TEAD4: variants seen among roughly 807,000 people sequenced by gnomAD.
The protein encoded by TEAD4 is transcriptional enhancer factor TEF-3.
A neutral mutation model predicts 52.4 loss-of-function variants in TEAD4; 36 were observed. The observed-to-expected ratio is 0.69, with a 90% CI of 0.53 to 0.91. TEAD4 has a LOEUF of 0.91. Among genes scored for constraint, TEAD4 ranks in the 40% least tolerant of loss-of-function variants. TEAD4 has a pLI of 0.00. For missense variants in TEAD4, 508 were observed against 583.9 expected, an observed-to-expected ratio of 0.87 and a Z score of 1.34; for synonymous variants, 220 against 231.0, an observed-to-expected ratio of 0.95 and a Z score of 0.43.
intron 2 of TEAD4, among the ~76,000 whole-genome samples, chr12:2,991,626 C>T (rs2153955100): frequency 6.6e-6 from 1 of 152,194 alleles, no homozygotes; most frequent in Non-Finnish European, 1.5e-5. Context: ...TGTACCATTG[C>T]CCACCAGCCT....
chr12:3,038,773 T>C (rs1214957114), intron 11 of TEAD4, among the ~76,000 whole-genome samples: 1 of 152,188 alleles, frequency 6.6e-6, no homozygotes, highest in Non-Finnish European at 1.5e-5. Context: ...TAAAATCCTC[T>C]GTATTTTGGC....
Position 2,992,001 on chromosome 12 carries a change from G to C in TEAD4, c.-29-2737G>C, listed in dbSNP as rs551969266. ...TTAGGTTTCCTGTGGTGGGGGTTGGGGGGGGCGGTTCCTGCTTTTTTTTTT... is the reference window on the plus strand; with the variant it reads ...TTAGGTTTCCTGTGGTGGGGGTTGGCGGGGGCGGTTCCTGCTTTTTTTTTT... On this transcript the variant is annotated intron_variant, in intron 2 of 12. Transcript: ENST00000359864. Among the ~76,000 whole-genome samples the C allele has an allele frequency of 1.0e-4, 15 of 147,882 alleles. 2 individuals carry two copies. The highest frequency in any genetic ancestry group is 4.2e-4 in the Admixed American group (6 of 14,224).
chr12:2,973,421 T>C (rs948045517), intron 2 of TEAD4, among the ~76,000 whole-genome samples: 1 of 152,218 alleles, frequency 6.6e-6, no homozygotes, highest in Non-Finnish European at 1.5e-5. Flanking sequence ...CAGTCAGATA[T>C]GTGATTTACA....
chr12:3,017,331 C>T lies in TEAD4; in HGVS notation c.355-67C>T, dbSNP rs571586792. Reference sequence around the variant, plus strand: ...GAGACAGCTTCCCTGACCCGAGGGCCGGACCTGCCTGGCCTCAGCCTGACT... The same window carrying T: ...GAGACAGCTTCCCTGACCCGAGGGCTGGACCTGCCTGGCCTCAGCCTGACT... On this transcript the variant is annotated intron_variant, in intron 5 of 12. Coordinates refer to ENST00000359864, the MANE Select transcript of TEAD4 (RefSeq NM_003213.4). 51 of 1,607,244 alleles carry T rather than the reference C, an allele frequency of 3.2e-5. No homozygotes were observed. In the East Asian group the frequency reaches 4.7e-4, roughly 15 times the overall value.
At chr12:3,015,579 T>C (rs2098263852) in intron 5 of TEAD4, among the ~76,000 whole-genome samples, 1 of 152,234 alleles carries the variant, frequency 6.6e-6, no homozygotes, top group Non-Finnish European at 1.5e-5. Flanking sequence ...GCCCACCTCA[T>C]GGAGCTGCGT....
At chr12:2,967,065 T>A (rs923718802) in intron 2 of TEAD4, among the ~76,000 whole-genome samples, 3 of 152,144 alleles carry the variant, frequency 2.0e-5, no homozygotes, top group Admixed American at 1.3e-4. Context: ...GAACCAGGGT[T>A]CAAAATCATC....
chr12:2,993,343 A>G (rs1241516073), intron 2 of TEAD4, among the ~76,000 whole-genome samples: 1 of 152,208 alleles, frequency 6.6e-6, no homozygotes. Flanking sequence ...TTTTGTAAAA[A>G]AAATTTTTAG....
At chr12:3,019,613 T>C (rs1159873771) in intron 8 of TEAD4, among the ~76,000 whole-genome samples, 1 of 152,114 alleles carries the variant, frequency 6.6e-6, no homozygotes, top group Non-Finnish European at 1.5e-5. Context: ...CAGCCAGCGG[T>C]GCTGACAGGA....
rs2098214232 is a variant in TEAD4 at position 2,960,270 on chromosome 12, A to T, written c.-30+230A>T. 3 of 985,362 alleles carry T rather than the reference A, an allele frequency of 3.0e-6. No individual in the cohort carries two copies. In the African/African-American group the frequency reaches 5.2e-5, roughly 17 times the overall value. 61.0% of individuals were successfully genotyped at this position (985,362 alleles called of 1,614,324 possible). On this transcript the variant is annotated intron_variant, in intron 2 of 12. Transcript: ENST00000359864. ...GGAAAGGACCGGAGAGGCAGAACCGAGAGCATCGGCAACAGAAGAGACCCA... is the reference window on the plus strand; with the variant it reads ...GGAAAGGACCGGAGAGGCAGAACCGTGAGCATCGGCAACAGAAGAGACCCA...
At chr12:3,016,783 C>A (rs2153957079) in intron 5 of TEAD4, among the ~76,000 whole-genome samples, 1 of 152,282 alleles carries the variant, frequency 6.6e-6, no homozygotes, top group Non-Finnish European at 1.5e-5. Context: ...AAGTGGCTTT[C>A]CCTGTGTGCT....
chr12:3,002,466 G>A (rs2098252490), intron 3 of TEAD4, among the ~76,000 whole-genome samples: 1 of 152,218 alleles, frequency 6.6e-6, no homozygotes, highest in Admixed American at 6.5e-5. Flanking sequence ...TTACATTCCC[G>A]CCAGCAATGA....
intron 2 of TEAD4, among the ~76,000 whole-genome samples, chr12:2,991,228 GT>G (rs2098242715): frequency 6.6e-6 from 1 of 152,130 alleles, no homozygotes; most frequent in African/African-American, 2.4e-5. Flanking sequence ...AAAATTTAAA[GT>G]GATGAAAAAT....
intron 2 of TEAD4, among the ~76,000 whole-genome samples, chr12:2,973,111 G>A (rs939210661): frequency 3.3e-5 from 5 of 152,112 alleles, no homozygotes; most frequent in Non-Finnish European, 2.9e-5. Flanking sequence ...AGCTCTTTGG[G>A]TCTTTGCTTC....
chr12:3,009,058 C>T (rs543309258), intron 3 of TEAD4, among the ~76,000 whole-genome samples: 5 of 152,184 alleles, frequency 3.3e-5, no homozygotes, highest in South Asian at 2.1e-4. Flanking sequence ...ACTGAGCCAG[C>T]GTTGAGGTCT....
rs1456907718 is a variant in TEAD4, at chr12:2,994,708, T to C, written c.-29-30T>C. ...GTGGCCCACGCAGTTCTTCCACTGC[T>C]CACCGGGGCTGTGGTTCCTGTCCCC... On this transcript the variant is annotated intron_variant, in intron 2 of 12. Coordinates refer to ENST00000359864, the MANE Select transcript of TEAD4 (RefSeq NM_003213.4). The surrounding 1 kb of genome is among the most constrained non-coding windows in gnomAD (Gnocchi z 4.7). 7.8e-6 allele frequency: 12 copies of C among 1,530,268 alleles called. No homozygotes were observed. The highest frequency in any genetic ancestry group is 1.1e-5 in the Non-Finnish European group (12 of 1,141,046). The allele number at this position is 1,530,268 out of a possible 1,614,324, so 94.8% of individuals were successfully genotyped here. A position where few individuals can be genotyped will look rare whatever the true frequency, so the allele number is the denominator to read the frequency against.
At chr12:2,974,478 G>A (rs1296325547) in intron 2 of TEAD4, among the ~76,000 whole-genome samples, 1 of 152,200 alleles carries the variant, frequency 6.6e-6, no homozygotes, top group Admixed American at 6.5e-5. Context: ...TATGTCCTCA[G>A]AGCCATGGCC....
intron 3 of TEAD4, among the ~76,000 whole-genome samples, chr12:2,997,702 G>T (rs923294125): frequency 2.0e-5 from 3 of 151,566 alleles, no homozygotes; most frequent in Non-Finnish European, 2.9e-5. Context: ...GGCGCTGTGG[G>T]TGTCTGGGAG....
intron 10 of TEAD4, among the ~76,000 whole-genome samples, chr12:3,027,561 C>G (rs962467184): frequency 2.6e-5 from 4 of 152,158 alleles, no homozygotes; most frequent in Non-Finnish European, 5.9e-5. Context: ...AAAAACCTGT[C>G]TCCACAAAAA....
chr12:2,979,947 C>A (rs1263920935), intron 2 of TEAD4, among the ~76,000 whole-genome samples: 1 of 152,182 alleles, frequency 6.6e-6, no homozygotes, highest in African/African-American at 2.4e-5. Flanking sequence ...GCATGAGAAT[C>A]AGCAGGGAGA....
Sources: allele counts gnomAD v4.1 joint callset (sites outside exome capture counted in the v4.1 genomes callset), GRCh38; gene constraint gnomAD v4.1.1; non-coding constraint Gnocchi (gnomAD v3.1); transcripts MANE v1.5; gene names NCBI Gene and HGNC (gene_info 2026-07-23, HGNC 2026-07-21).